The following ZNF605 variants were observed in gnomAD, a reference collection of about 807,000 sequenced individuals.
ZNF605 encodes zinc finger protein 605.
In ZNF605, 9 loss-of-function variants were observed where a neutral mutation model predicts 7.9. The observed-to-expected ratio is 1.14, with a 90% CI of 0.68 to 1.98. ZNF605 has a LOEUF of 1.98. Among genes scored for constraint, ZNF605 ranks in the 30% most tolerant of loss-of-function variants. The pLI is 0.00. For missense variants in ZNF605, 673 were observed against 762.4 expected, an observed-to-expected ratio of 0.88 and a Z score of 1.38; for synonymous variants, 255 against 260.1, an observed-to-expected ratio of 0.98 and a Z score of 0.19.
intron 1 of ZNF605, among the ~76,000 whole-genome samples, chr12:132,954,593 G>T (rs1952615570): frequency 6.6e-6 from 1 of 150,796 alleles, no homozygotes; most frequent in African/African-American, 2.4e-5. Flanking sequence ...TTGCGCCACA[G>T]ACCCCCTAAA....
At position 132,935,453 on chromosome 12, in the gene ZNF605, A is replaced by G. The variant is rs925274993; in HGVS notation, c.16-2298T>C. Among the ~76,000 whole-genome samples, 3 of 152,182 alleles carry G rather than the reference A, an allele frequency of 2.0e-5. No homozygotes were observed. The South Asian group carries it at 6.2e-4, about 31-fold the overall frequency. On this transcript the variant is annotated intron_variant, in intron 3 of 4. Coordinates refer to ENST00000360187, the MANE Select transcript of ZNF605 (RefSeq NM_183238.4). ...AAAAACCTTAAGCACAGAGAGTTCT[A>G]AAGTGTTTTTGAGGGGGCCATGCAT...
At chr12:132,938,956 C>T (rs1159986587) in intron 3 of ZNF605, among the ~76,000 whole-genome samples, 5 of 151,942 alleles carry the variant, frequency 3.3e-5, no homozygotes, top group African/African-American at 1.2e-4. Context: ...CGGCGCTGCG[C>T]TCGATTTCTC....
chr12:132,930,316 G>A (rs958666827), intron 4 of ZNF605, among the ~76,000 whole-genome samples: 3 of 152,340 alleles, frequency 2.0e-5, no homozygotes, highest in East Asian at 1.9e-4. Context: ...TTACAGGCAT[G>A]AGCCACCATG....
At chr12:132,943,485 A>G (rs7138807) in intron 3 of ZNF605, among the ~76,000 whole-genome samples, 38,538 of 152,022 alleles carry the variant, frequency 0.25, 5,237 homozygotes, top group African/African-American at 0.36. Flanking sequence ...CACGGCCAGC[A>G]CACTCTGGTC....
chr12:132,940,858 A>G (rs1952429316), intron 3 of ZNF605, among the ~76,000 whole-genome samples: 1 of 152,052 alleles, frequency 6.6e-6, no homozygotes, highest in Non-Finnish European at 1.5e-5. Context: ...CCAGGTGGTG[A>G]GCACAGAACC....
rs1952501941 is a variant in ZNF605, at chr12:132,947,070, T to C, written c.-163+1078A>G. On this transcript the variant is annotated intron_variant, in intron 2 of 4. Coordinates refer to ENST00000360187, the MANE Select transcript of ZNF605 (RefSeq NM_183238.4). ...TGTTGTAGCCCAGGCTGGAGTGCAA[T>C]GGCATGATCTCGGCTTACTGCAACC... Among the ~76,000 whole-genome samples the C allele has an allele frequency of 2.6e-5, 4 of 152,106 alleles. No homozygotes were observed. The South Asian group carries it at 8.3e-4, about 32-fold the overall frequency.
At chr12:132,949,203 A>G (rs1402498149) in intron 1 of ZNF605, among the ~76,000 whole-genome samples, 2 of 152,160 alleles carry the variant, frequency 1.3e-5, no homozygotes, top group African/African-American at 4.8e-5. Flanking sequence ...ACTCCTTTGA[A>G]GCACTGGAAG....
At chr12:132,936,844 AG>A (rs1337577712) in intron 3 of ZNF605, among the ~76,000 whole-genome samples, 1 of 152,206 alleles carries the variant, frequency 6.6e-6, no homozygotes, top group African/African-American at 2.4e-5. Flanking sequence ...GATCAATTTA[AG>A]AAAAAAATTT....
chr12:132,939,845 T>A (rs1474197430), intron 3 of ZNF605, among the ~76,000 whole-genome samples: 3 of 148,882 alleles, frequency 2.0e-5, no homozygotes, highest in Non-Finnish European at 4.4e-5. Context: ...GCTTCACTCC[T>A]GAGCCAGCGA....
chr12:132,927,241 G>T, intron 4 of ZNF605, 79 bp from the exon 5 acceptor site: 1 of 1,037,334 alleles, frequency 9.6e-7, no homozygotes, highest in Non-Finnish European at 1.3e-6. Context: ...CTGAAATGGC[G>T]CCATAATCCC....
chr12:132,940,604 C>T (rs913868461), intron 3 of ZNF605, among the ~76,000 whole-genome samples: 1 of 152,054 alleles, frequency 6.6e-6, no homozygotes, highest in Non-Finnish European at 1.5e-5. Flanking sequence ...CAGTTAGGGC[C>T]GTTACAGAGC....
chr12:132,938,485 G>C (rs1398225841), intron 3 of ZNF605, among the ~76,000 whole-genome samples: 1 of 152,038 alleles, frequency 6.6e-6, no homozygotes, highest in Non-Finnish European at 1.5e-5. Flanking sequence ...ATTTTTAGTA[G>C]TGACGGGGTT....
At chr12:132,927,211 A>T in intron 4 of ZNF605, 49 bp from the exon 5 acceptor site, 1 of 1,359,530 alleles carries the variant, frequency 7.4e-7, no homozygotes, top group Non-Finnish European at 9.8e-7. Context: ...TTCAATTATT[A>T]TGCTTATTGC....
At chr12:132,950,728 TCACA>T (rs61304331) in intron 1 of ZNF605, among the ~76,000 whole-genome samples, 2 of 150,884 alleles carry the variant, frequency 1.3e-5, no homozygotes, top group Admixed American at 1.3e-4. Flanking sequence ...GATATGTACA[TCACA>T]CAGACATGTA....
intron 4 of ZNF605, among the ~76,000 whole-genome samples, chr12:132,929,194 C>A (rs11147168): frequency 0.1 from 15,399 of 151,748 alleles, 1,427 homozygotes; most frequent in East Asian, 0.52. Flanking sequence ...GATCACTTGA[C>A]CCCAGGAGTT....
intron 3 of ZNF605, among the ~76,000 whole-genome samples, chr12:132,935,105 T>C (rs1952350622): frequency 6.6e-6 from 1 of 152,062 alleles, no homozygotes; most frequent in Non-Finnish European, 1.5e-5. Context: ...CGTGGAAACC[T>C]AGAGAGGTAA....
At position 132,938,954 on chromosome 12, in the gene ZNF605, C is replaced by A. The variant is rs1344731398; in HGVS notation, c.16-5799G>T. On this transcript the variant is annotated intron_variant, in intron 3 of 4. Coordinates refer to ENST00000360187, the MANE Select transcript of ZNF605 (RefSeq NM_183238.4). ...CAGCAGTGCTGGCCCACCGGCGCTG[C>A]GCTCGATTTCTCACCGAGCCTTAGC... 1.1e-3 allele frequency among the ~76,000 whole-genome samples: 171 copies of A among 152,054 alleles called. 1 individual carries two copies. Among genetic ancestry groups the A allele is most frequent in the South Asian group, 3.8e-3 (18 of 4,778 alleles).
chr12:132,935,667 T>C (rs1009542582), intron 3 of ZNF605, among the ~76,000 whole-genome samples: 8,108 of 131,540 alleles, frequency 0.062, 2 homozygotes, highest in Non-Finnish European at 0.087. Context: ...CCGAGGCAGG[T>C]GGATCACGAG....
At chr12:132,951,651 C>T (rs943293594) in intron 1 of ZNF605, among the ~76,000 whole-genome samples, 5 of 151,410 alleles carry the variant, frequency 3.3e-5, no homozygotes, top group African/African-American at 4.9e-5. Context: ...CTGATGCACA[C>T]GTACATCCCA....
Sources: allele counts gnomAD v4.1 joint callset (sites outside exome capture counted in the v4.1 genomes callset), GRCh38; gene constraint gnomAD v4.1.1; transcripts MANE v1.5; gene names NCBI Gene and HGNC (gene_info 2026-07-23, HGNC 2026-07-21).